The following NOSIP variants were observed in gnomAD, a reference collection of about 807,000 sequenced individuals.
NOSIP encodes the protein nitric oxide synthase interacting protein, also known as nitric oxide synthase-interacting protein.
In NOSIP, 25 loss-of-function variants were observed where a neutral mutation model predicts 36.4. The observed-to-expected ratio is 0.69, with a 90% confidence interval of 0.50 to 0.96. The LOEUF is 0.96. Ranked by LOEUF, NOSIP falls within the 40% of genes least tolerant of loss-of-function variation. The probability of loss-of-function intolerance (pLI) is 0.00; values close to 1 mark genes in which losing one functional copy is unlikely to be tolerated. For missense variants in NOSIP, 370 were observed against 429.0 expected (o/e 0.86, Z 1.21); for synonymous variants, 187 against 179.2 (o/e 1.04, Z -0.35).
intron 1 of NOSIP, among the ~76,000 whole-genome samples, chr19:49,571,464 A>ACTGCTGCCAT (rs546288056): frequency 9.9e-4 from 151 of 152,264 alleles, no homozygotes; most frequent in African/African-American, 3.5e-3. Context: ...TACAAAGCAG[A>ACTGCTGCCAT]CTGCTGCCAT....
chr19:49,555,740 C>T lies in NOSIP; in HGVS notation c.*11G>A, dbSNP rs1192382088. On this transcript the variant is annotated 3_prime_UTR_variant, in exon 9 of 9. Coordinates refer to ENST00000596358, the MANE Select transcript of NOSIP (RefSeq NM_001270960.2). ...GCACCCAAGCCGGTTTATTTGGTCT[C>T]CCGCACACACTCAGGCCTGCATCAC... The T allele has an allele frequency of 2.5e-6, 4 of 1,612,346 alleles. No individual in the cohort carries two copies. The African/African-American group carries it at 5.3e-5, about 21-fold the overall frequency.
chr19:49,561,883 TA>T (rs35018027), intron 1 of NOSIP, among the ~76,000 whole-genome samples: 2,082 of 129,808 alleles, frequency 0.016, 27 homozygotes, highest in African/African-American at 0.041. Context: ...CTGTCACAAT[TA>T]AAAAAAAAAA....
chr19:49,560,189 G>T lies in NOSIP; in HGVS notation c.71-150C>A, dbSNP rs535824161. 16 of 621,378 alleles carry T rather than the reference G, an allele frequency of 2.6e-5. No individual in the cohort carries two copies. The East Asian group carries it at 4.4e-4, about 17-fold the overall frequency. 38.5% of individuals were successfully genotyped at this position (621,378 alleles called of 1,614,324 possible). On this transcript the variant is annotated intron_variant, in intron 2 of 8. Transcript: ENST00000596358. This position sits in a 1 kb window ranked among gnomAD's most constrained non-coding sequence, Gnocchi z 4.6. ...GGCAGTTGGGAGCCGCTGCCTGTGT[G>T]CTGGGGCCACGGGCTGAACCCACAG...
rs547640814 is a variant in NOSIP at position 49,570,970 on chromosome 19, T to C, written c.-2+9545A>G. ...CACCTATAGAGGGAGCATTTAAACT[T>C]TTTTTAATTTAATTTGTTTTTTTTG... On this transcript the variant is annotated intron_variant, in intron 1 of 8. Transcript: ENST00000596358. Among the ~76,000 whole-genome samples the C allele has an allele frequency of 1.1e-4, 16 of 152,104 alleles. 1 individual carries two copies. The South Asian group carries it at 3.3e-3, about 32-fold the overall frequency.
In NOSIP at chr19:49,579,858, C is replaced by CT. The variant is rs1316373016; in HGVS notation, c.-2+656dup. Among the ~76,000 whole-genome samples the CT allele has an allele frequency of 2.0e-5, 3 of 152,060 alleles. No individual in the cohort carries two copies. The South Asian group carries it at 6.2e-4, about 32-fold the overall frequency. ...CAGGAATTCCTGTATTCTTCTCTCA[C>CT]TTTTATATAAGTTTGAACATTTTCG... On this transcript the variant is annotated intron_variant, in intron 1 of 8. Coordinates refer to ENST00000596358, the MANE Select transcript of NOSIP (RefSeq NM_001270960.2).
intron 1 of NOSIP, among the ~76,000 whole-genome samples, chr19:49,563,580 G>A (rs965941892): frequency 3.3e-5 from 5 of 150,180 alleles, no homozygotes; most frequent in African/African-American, 9.8e-5. Flanking sequence ...TACAACCTCC[G>A]CCTCTTGGGT....
intron 1 of NOSIP, among the ~76,000 whole-genome samples, chr19:49,580,021 A>T (rs2080605191): frequency 6.6e-6 from 1 of 151,342 alleles, no homozygotes; most frequent in African/African-American, 2.4e-5. Context: ...CCCTGCACCA[A>T]CCCCGAAAGG....
intron 4 of NOSIP, chr19:49,557,726 T>G (rs1441549641): frequency 1.0e-6 from 1 of 993,370 alleles, no homozygotes; most frequent in East Asian, 1.1e-4. Context: ...GAGGAGCCCA[T>G]GTCTATGGAC....
intron 1 of NOSIP, among the ~76,000 whole-genome samples, chr19:49,570,562 C>T (rs2122158453): frequency 6.6e-6 from 1 of 152,146 alleles, no homozygotes; most frequent in East Asian, 1.9e-4. Context: ...GATCAATGTG[C>T]CCCCTGAGGC....
At chr19:49,556,181 G>C in intron 8 of NOSIP, 136 bp downstream of exon 8, 1 of 430,558 alleles carries the variant, frequency 2.3e-6, no homozygotes, top group Non-Finnish European at 4.1e-6. Flanking sequence ...GGGGGGGGGG[G>C]GCGGCCTTAC....
At position 49,558,833 on chromosome 19, in the gene NOSIP, T is replaced by C. The variant is rs1599746358; in HGVS notation, c.258+64A>G. ...GAGATCAGAGGGCTCTGAGTGGCTC[T>C]GCCTGTGAGCTCAGACTCAAAAGCT... On this transcript the variant is annotated intron_variant, in intron 4 of 8. Coordinates refer to ENST00000596358, the MANE Select transcript of NOSIP (RefSeq NM_001270960.2). 3.0e-6 allele frequency: 4 copies of C among 1,317,652 alleles called. No homozygotes were observed. In the East Asian group the frequency reaches 9.2e-5, roughly 30 times the overall value. The allele number at this position is 1,317,652 out of a possible 1,614,324, so 81.6% of individuals were successfully genotyped here.
At chr19:49,561,959 A>G (rs1370744716) in intron 1 of NOSIP, among the ~76,000 whole-genome samples, 1 of 151,108 alleles carries the variant, frequency 6.6e-6, no homozygotes, top group African/African-American at 2.4e-5. Context: ...TAGGGGTTTG[A>G]TCATTTTAAC....
At chr19:49,572,889 G>A (rs955717821) in intron 1 of NOSIP, among the ~76,000 whole-genome samples, 11 of 147,296 alleles carry the variant, frequency 7.5e-5, no homozygotes, top group African/African-American at 2.5e-4. Context: ...CAGGAGAATC[G>A]CTTGAACCTG....
intron 1 of NOSIP, among the ~76,000 whole-genome samples, chr19:49,571,322 T>G (rs953714975): frequency 1.3e-5 from 2 of 151,996 alleles, no homozygotes; most frequent in African/African-American, 4.8e-5. Context: ...ATTTTTAAGA[T>G]CCTGAGACCA....
chr19:49,569,420 G>T (rs2080456189), intron 1 of NOSIP, among the ~76,000 whole-genome samples: 1 of 146,478 alleles, frequency 6.8e-6, no homozygotes, highest in Admixed American at 6.7e-5. Context: ...GGATGGTCTT[G>T]ATCTCCTGAC....
At chr19:49,561,123 G>T (rs533876814) in intron 1 of NOSIP, among the ~76,000 whole-genome samples, 1 of 152,144 alleles carries the variant, frequency 6.6e-6, no homozygotes, top group Non-Finnish European at 1.5e-5. Flanking sequence ...CCAAGGCGTG[G>T]ACCAGCCCAG....
chr19:49,572,101 CT>C (rs368973496), intron 1 of NOSIP, among the ~76,000 whole-genome samples: 101 of 139,444 alleles, frequency 7.2e-4, no homozygotes, highest in African/African-American at 2.4e-3. Flanking sequence ...GCTAAATTTT[CT>C]TTTTTTTTTC....
chr19:49,579,252 G>A (rs757408096), intron 1 of NOSIP: 1 of 152,092 alleles, frequency 6.6e-6, no homozygotes, highest in Admixed American at 6.6e-5. Context: ...ATGGTATTGT[G>A]GTCATATCAG....
intron 1 of NOSIP, among the ~76,000 whole-genome samples, chr19:49,561,199 G>A (rs992378765): frequency 6.6e-6 from 1 of 152,092 alleles, no homozygotes; most frequent in Non-Finnish European, 1.5e-5. Context: ...CCCAATCGCT[G>A]CCTGCCAGTC....
Sources: gnomAD v4.1 joint callset for allele counts (sites outside exome capture counted in the v4.1 genomes callset) on GRCh38, gnomAD v4.1.1 for gene constraint, Gnocchi (gnomAD v3.1) non-coding constraint, MANE v1.5 for transcripts, NCBI Gene and HGNC (gene_info 2026-07-23, HGNC 2026-07-21) for gene names.